Variants in RBFOX3 observed in about 807,000 individuals in gnomAD.
RBFOX3 encodes the protein RNA binding protein fox-1 homolog 3.
In RBFOX3, 17 loss-of-function variants were observed where a neutral mutation model predicts 48.7. The ratio of observed to expected loss-of-function variants is 0.35; its 90% confidence interval spans 0.24 to 0.52. RBFOX3 has a LOEUF of 0.52. Ranked by LOEUF, RBFOX3 falls within the 20% of genes least tolerant of loss-of-function variation. RBFOX3 has a pLI of 0.94. For missense variants in RBFOX3, 382 were observed against 497.5 expected, an observed-to-expected ratio of 0.77 and a Z score of 2.21; for synonymous variants, 212 against 209.5, an observed-to-expected ratio of 1.01 and a Z score of -0.10.
chr17:79,152,677 T>C (rs371716797), intron 4 of RBFOX3, among the ~76,000 whole-genome samples: 42 of 152,098 alleles, frequency 2.8e-4, no homozygotes, highest in Middle Eastern at 6.8e-3. Context: ...GAAAGAACAA[T>C]GTCACAGCCA....
chr17:79,151,970 T>G (rs2044620126), intron 4 of RBFOX3, among the ~76,000 whole-genome samples: 1 of 150,290 alleles, frequency 6.7e-6, no homozygotes, highest in Non-Finnish European at 1.5e-5. Flanking sequence ...CAGGGGGAGC[T>G]CCCACATCCC....
intron 2 of RBFOX3, among the ~76,000 whole-genome samples, chr17:79,460,279 A>T (rs1251918753): frequency 6.6e-6 from 1 of 150,578 alleles, no homozygotes; most frequent in African/African-American, 2.4e-5. Context: ...TTACCTCATT[A>T]AAAAAAAATG....
chr17:79,459,769 A>C (rs1316594754), intron 2 of RBFOX3, among the ~76,000 whole-genome samples: 2 of 152,032 alleles, frequency 1.3e-5, no homozygotes, highest in Non-Finnish European at 1.5e-5. Flanking sequence ...GGGAGAGGGG[A>C]TTTAAGAGTG....
At chr17:79,231,567 T>C (rs2061037709) in intron 4 of RBFOX3, among the ~76,000 whole-genome samples, 1 of 152,104 alleles carries the variant, frequency 6.6e-6, no homozygotes. Flanking sequence ...TGACACAAAA[T>C]CTACTAGAAC....
At chr17:79,315,389 G>A (rs899929233) in intron 2 of RBFOX3, among the ~76,000 whole-genome samples, 4 of 152,196 alleles carry the variant, frequency 2.6e-5, no homozygotes, top group African/African-American at 9.7e-5. Context: ...AGTGCTGGAT[G>A]CAGAGGCGGC....
chr17:79,565,214 A>T (rs1424361519), intron 1 of RBFOX3, among the ~76,000 whole-genome samples: 8 of 152,168 alleles, frequency 5.3e-5, no homozygotes, highest in Non-Finnish European at 7.3e-5. Context: ...GATTAAGGTA[A>T]GGTTATGATT....
At position 79,505,596 on chromosome 17, in the gene RBFOX3, A is replaced by G. The variant is rs1417715882; in HGVS notation, c.-319-22998T>C. Among the ~76,000 whole-genome samples, 3 of 152,276 alleles carry G rather than the reference A, an allele frequency of 2.0e-5. No homozygotes were observed. The East Asian group carries it at 5.8e-4, about 29-fold the overall frequency. ...CTTCTGGGAAAAGCCAAACTGAGAC[A>G]TGGGCACTGTCAGAGCACCAAGGAG... On this transcript the variant is annotated intron_variant, in intron 1 of 14. Coordinates refer to ENST00000693108, the MANE Select transcript of RBFOX3 (RefSeq NM_001350451.2).
chr17:79,642,057 G>A, the RBFOX3 span, among the ~76,000 whole-genome samples: 1 of 152,048 alleles, frequency 6.6e-6, no homozygotes, highest in Non-Finnish European at 1.5e-5. Context: ...TTTCTTTATG[G>A]CAAAGTAAGA....
chr17:79,531,746 C>T (rs956253683), intron 1 of RBFOX3, among the ~76,000 whole-genome samples: 25 of 152,292 alleles, frequency 1.6e-4, no homozygotes, highest in Non-Finnish European at 3.5e-4. Context: ...ATAAGCTCCC[C>T]GGGAATCTAG....
At chr17:79,169,043 G>C (rs761457762) in intron 4 of RBFOX3, among the ~76,000 whole-genome samples, 9 of 152,184 alleles carry the variant, frequency 5.9e-5, no homozygotes, top group Non-Finnish European at 1.0e-4. Flanking sequence ...CCGCTGAGTG[G>C]AGGACCTTCC....
chr17:79,611,171 T>G (rs2093964363), upstream of RBFOX3, among the ~76,000 whole-genome samples: 1 of 29,384 alleles, frequency 3.4e-5, no homozygotes, highest in Non-Finnish European at 6.2e-5. Context: ...TCTCTCTCTC[T>G]CTCCGCCCTC....
chr17:79,349,816 C>T (rs1413968488), intron 2 of RBFOX3, among the ~76,000 whole-genome samples: 2 of 151,738 alleles, frequency 1.3e-5, no homozygotes, highest in Non-Finnish European at 1.5e-5. Flanking sequence ...CTAGGGAAGC[C>T]GAGGTAGGCA....
At chr17:79,293,264 C>T (rs368339013) in intron 3 of RBFOX3, among the ~76,000 whole-genome samples, 1 of 152,166 alleles carries the variant, frequency 6.6e-6, no homozygotes, top group Non-Finnish European at 1.5e-5. Context: ...CAAAAATGTT[C>T]CAAGTTACTC....
At chr17:79,123,407 C>T (rs966001448) in intron 4 of RBFOX3, among the ~76,000 whole-genome samples, 2 of 150,118 alleles carry the variant, frequency 1.3e-5, no homozygotes, top group Admixed American at 1.3e-4. Flanking sequence ...ACCCCCTCTA[C>T]CCCCAGCTCA....
At chr17:79,148,424 A>G (rs1287325501) in intron 4 of RBFOX3, among the ~76,000 whole-genome samples, 1 of 152,168 alleles carries the variant, frequency 6.6e-6, no homozygotes, top group Non-Finnish European at 1.5e-5. Context: ...TGGGGGGTGG[A>G]AGGGGCAGGG....
chr17:79,133,103 T>C (rs2098225656), intron 4 of RBFOX3, among the ~76,000 whole-genome samples: 1 of 152,224 alleles, frequency 6.6e-6, no homozygotes, highest in African/African-American at 2.4e-5. Flanking sequence ...AAGGAGACCT[T>C]CTGCCTCCAG....
the RBFOX3 span, among the ~76,000 whole-genome samples, chr17:79,620,871 A>T: frequency 6.6e-6 from 1 of 152,074 alleles, no homozygotes; most frequent in East Asian, 1.9e-4. Context: ...CAGGCTGTCC[A>T]CTGTGACGTC....
In RBFOX3 at chr17:79,097,217, C is replaced by T. The variant is rs1035008619; in HGVS notation, c.755+75G>A. 1.6e-5 allele frequency: 21 copies of T among 1,301,076 alleles called. No homozygotes were observed. In the African/African-American group the frequency reaches 2.2e-4, roughly 14 times the overall value. The allele number at this position is 1,301,076 out of a possible 1,614,324, so 80.6% of individuals were successfully genotyped here. On this transcript the variant is annotated intron_variant, in intron 11 of 14. Coordinates refer to ENST00000693108, the MANE Select transcript of RBFOX3 (RefSeq NM_001350451.2). ...AAAGGCTGCCTAGCCCCTCGCACTG[C>T]GCAGGGCCTCCCCATTTCCCTCCTC...
intron 1 of RBFOX3, among the ~76,000 whole-genome samples, chr17:79,517,360 G>A (rs2085386440): frequency 6.7e-6 from 1 of 149,516 alleles, no homozygotes; most frequent in African/African-American, 2.5e-5. Flanking sequence ...CAGGAGAATC[G>A]CTTGAACCCA....
Sources: allele counts gnomAD v4.1 joint callset (sites outside exome capture counted in the v4.1 genomes callset), GRCh38; gene constraint gnomAD v4.1.1; transcripts MANE v1.5; gene names NCBI Gene and HGNC (gene_info 2026-07-23, HGNC 2026-07-21).